Variants in MTMR3 observed in about 807,000 individuals in gnomAD.
MTMR3 encodes myotubularin related protein 3, also known as phosphatidylinositol-3,5-bisphosphate 3-phosphatase MTMR3.
MTMR3 carries 32 observed loss-of-function variants against 132.4 expected under a neutral mutation model. The ratio of observed to expected loss-of-function variants is 0.24; its 90% CI spans 0.18 to 0.32. The LOEUF (loss-of-function observed/expected upper bound fraction) is 0.32. Among genes scored for constraint, MTMR3 ranks in the 10% least tolerant of loss-of-function variants. The pLI, the probability that MTMR3 is intolerant of heterozygous loss-of-function variation, is 1.00. For synonymous variants in MTMR3, 556 were observed against 550.3 expected, an observed-to-expected ratio of 1.01 and a Z score of -0.14; for missense variants, 1,216 against 1,489.6, an observed-to-expected ratio of 0.82 and a Z score of 3.02.
chr22:29,951,233 C>A (rs1274022702), intron 1 of MTMR3, among the ~76,000 whole-genome samples: 3 of 152,070 alleles, frequency 2.0e-5, no homozygotes, highest in Non-Finnish European at 4.4e-5. Context: ...TATATTCATT[C>A]TTAAAAATTT....
At chr22:29,975,221 A>G (rs988570093) in intron 3 of MTMR3, among the ~76,000 whole-genome samples, 6 of 152,218 alleles carry the variant, frequency 3.9e-5, no homozygotes, top group Middle Eastern at 3.2e-3. Flanking sequence ...TATGTGGGTT[A>G]TGTCTGTTTA....
At chr22:29,907,931 A>G (rs1398333371) in intron 1 of MTMR3, among the ~76,000 whole-genome samples, 1 of 152,200 alleles carries the variant, frequency 6.6e-6, no homozygotes, top group Admixed American at 6.5e-5. Context: ...ACCAAGGAGT[A>G]ATGATAGACA....
rs20013 is a variant in MTMR3, at chr22:30,030,334, A to G, written c.*4533A>G. On this transcript the variant is annotated 3_prime_UTR_variant, in exon 20 of 20. Transcript: ENST00000401950. Reference sequence around the variant, plus strand: ...ATTGGCCTTTAACAGCTTCCCAACTAGCTTATAAGATTTTTTTTTTTAATG... The same window carrying G: ...ATTGGCCTTTAACAGCTTCCCAACTGGCTTATAAGATTTTTTTTTTTAATG... 1 allele frequency: 152,229 copies of G among 152,240 alleles called. 76,109 individuals are homozygous for G. Among genetic ancestry groups the G allele is most frequent in the Middle Eastern group, 1 (294 of 294 alleles). 9.4% of individuals were successfully genotyped at this position (152,240 alleles called of 1,614,324 possible). A position where few individuals can be genotyped will look rare whatever the true frequency, so the allele number is the denominator to read the frequency against.
intron 1 of MTMR3, among the ~76,000 whole-genome samples, chr22:29,950,757 G>C (rs2066060282): frequency 7.3e-6 from 1 of 137,404 alleles, no homozygotes; most frequent in Non-Finnish European, 1.8e-5. Context: ...TGCCTACCTT[G>C]TGATATTTCA....
intron 1 of MTMR3, among the ~76,000 whole-genome samples, chr22:29,924,099 C>A (rs1424345465): frequency 3.9e-5 from 6 of 152,148 alleles, no homozygotes; most frequent in Non-Finnish European, 8.8e-5. Context: ...TCCAAGAAAT[C>A]ATTGCCAAAT....
At chr22:30,002,174 A>T (rs1042616532) in intron 8 of MTMR3, 5 of 152,204 alleles carry the variant, frequency 3.3e-5, no homozygotes, top group Non-Finnish European at 7.3e-5. Flanking sequence ...ATTAAAAGAA[A>T]GCTTATCCCC....
intron 19 of MTMR3, 71 bp downstream of exon 19, chr22:30,022,768 G>A: frequency 7.6e-7 from 1 of 1,321,338 alleles, no homozygotes. Context: ...AGCCTGCAGA[G>A]TAGAGGGTTG....
At chr22:29,896,867 T>TCACACACACACACACACACACACA (rs1491465662) in intron 1 of MTMR3, among the ~76,000 whole-genome samples, 38 of 36,670 alleles carry the variant, frequency 1.0e-3, no homozygotes, top group East Asian at 1.7e-3. Context: ...AACAGGCTTG[T>TCACACACACACACACACACACACA]CTCACACACA....
intron 1 of MTMR3, among the ~76,000 whole-genome samples, chr22:29,942,646 C>T (rs534978517): frequency 2.0e-5 from 3 of 152,306 alleles, no homozygotes; most frequent in East Asian, 1.9e-4. Context: ...CCCTCAGGGA[C>T]GCATTCTCTT....
At position 29,968,046 on chromosome 22, in the gene MTMR3, AC is replaced by A. The variant is rs112161161; in HGVS notation, c.-84-2929del. ...TTTGGCCATCATGAATAATGCTGTT[AC>A]GAAAATTTGTGTAGAAGTTTTTATG... On this transcript the variant is annotated intron_variant, in intron 2 of 19. Coordinates refer to ENST00000401950, the MANE Select transcript of MTMR3 (RefSeq NM_021090.4). Among the ~76,000 whole-genome samples the A allele has an allele frequency of 4.5e-3, 686 of 152,128 alleles. 5 individuals carry two copies. Among genetic ancestry groups the A allele is most frequent in the African/African-American group, 0.015 (641 of 41,514 alleles).
Position 30,020,524 on chromosome 22 carries a change from T to A in MTMR3, c.2865T>A (p.Asn955Lys). 1 of 1,614,134 alleles carries A rather than the reference T, an allele frequency of 6.2e-7. No homozygotes were observed. The highest frequency in any genetic ancestry group is 8.5e-7 in the Non-Finnish European group (1 of 1,180,012). ...LSTLQMYPTP[N>K]GHCANGEAGR... ...CCCTCCAGATGTACCCCACACCCAATGGGCATTGCGCCAATGGGGAGGCTG... is the reference window on the plus strand; with the variant it reads ...CCCTCCAGATGTACCCCACACCCAAAGGGCATTGCGCCAATGGGGAGGCTG... Residue 955 changes from asparagine to lysine, a missense_variant, in exon 17 of 20, where the codon AAT (asparagine) becomes AAA (lysine). Transcript: ENST00000401950.
chr22:30,009,675 A>G (rs1001239050), intron 12 of MTMR3: 8 of 152,564 alleles, frequency 5.2e-5, no homozygotes, highest in African/African-American at 1.4e-4. Flanking sequence ...TTAAATATGA[A>G]TGGCTGGCAT....
At chr22:29,924,028 A>G (rs1158853438) in intron 1 of MTMR3, among the ~76,000 whole-genome samples, 2 of 152,186 alleles carry the variant, frequency 1.3e-5, no homozygotes, top group Non-Finnish European at 2.9e-5. Flanking sequence ...TTGGTGCACA[A>G]AAGATTTTCA....
chr22:29,947,730 T>C (rs1291597402), intron 1 of MTMR3, among the ~76,000 whole-genome samples: 1 of 152,284 alleles, frequency 6.6e-6, no homozygotes, highest in East Asian at 1.9e-4. Flanking sequence ...TGAATTCTAC[T>C]TTTTGGCTTT....
chr22:29,948,120 T>C (rs2065986160), intron 1 of MTMR3, among the ~76,000 whole-genome samples: 1 of 152,262 alleles, frequency 6.6e-6, no homozygotes, highest in Non-Finnish European at 1.5e-5. Flanking sequence ...TAGCCTCTAG[T>C]ATTTGAATTT....
rs374968708 is a variant in MTMR3 at position 29,914,843 on chromosome 22, T to A, written c.-138+31484T>A. On this transcript the variant is annotated intron_variant, in intron 1 of 19. Coordinates refer to ENST00000401950, the MANE Select transcript of MTMR3 (RefSeq NM_021090.4). ...CTCTGAGCAGTGCTTCAGTTGCAGC[T>A]CACAAAATGACATATTGTGTACTAC... Among the ~76,000 whole-genome samples the A allele has an allele frequency of 3.3e-5, 5 of 152,236 alleles. No homozygotes were observed. The East Asian group carries it at 9.6e-4, about 29-fold the overall frequency.
intron 1 of MTMR3, among the ~76,000 whole-genome samples, chr22:29,903,772 A>G (rs2065044722): frequency 6.6e-6 from 1 of 152,178 alleles, no homozygotes; most frequent in South Asian, 2.1e-4. Context: ...AGGTGTACAG[A>G]GGTACTAGAA....
At chr22:29,909,992 A>G (rs1449446970) in intron 1 of MTMR3, among the ~76,000 whole-genome samples, 2 of 151,870 alleles carry the variant, frequency 1.3e-5, no homozygotes, top group African/African-American at 4.8e-5. Flanking sequence ...CGTCTCTACT[A>G]AAAAATACAA....
chr22:30,009,592 T>G lies in MTMR3; in HGVS notation c.1121+463T>G, dbSNP rs374549671. 2.2e-3 allele frequency: 346 copies of G among 154,572 alleles called. 12 individuals are homozygous for G. In the South Asian group the frequency reaches 0.066, roughly 30 times the overall value. The allele number at this position is 154,572 out of a possible 1,614,324, so 9.6% of individuals were successfully genotyped here. A position where few individuals can be genotyped will look rare whatever the true frequency, so the allele number is the denominator to read the frequency against. ...GGTTTAAACTTGCCATTAAGTCAGT[T>G]CCTTTTACATCTGCTTTCAATTTCT... On this transcript the variant is annotated intron_variant, in intron 12 of 19. Transcript: ENST00000401950.
Sources: allele counts gnomAD v4.1 joint callset (sites outside exome capture counted in the v4.1 genomes callset), GRCh38; gene constraint gnomAD v4.1.1; transcripts MANE v1.5; gene names NCBI Gene and HGNC (gene_info 2026-07-23, HGNC 2026-07-21).